ABI2: variants seen among roughly 807,000 people sequenced by gnomAD.
The protein encoded by ABI2 is abl interactor 2.
A neutral mutation model predicts 59.2 loss-of-function variants in ABI2; 25 were observed. The observed-to-expected ratio is 0.42, with a 90% CI of 0.31 to 0.59. The LOEUF (loss-of-function observed/expected upper bound fraction) is 0.59. Among genes scored for constraint, ABI2 ranks in the 20% least tolerant of loss-of-function variants. The pLI is 0.14. For synonymous variants in ABI2, 213 were observed against 235.5 expected (o/e 0.90, Z 0.87); for missense variants, 545 against 681.8 (o/e 0.80, Z 2.23).
At chr2:203,390,976 G>C in intron 4 of ABI2, 70 bp from the exon 5 acceptor site, 1 of 1,159,688 alleles carries the variant, frequency 8.6e-7, no homozygotes, top group Non-Finnish European at 1.3e-6. Flanking sequence ...ATGTAGTGTA[G>C]CATATTATTT....
At chr2:203,376,226 A>C (rs2095668244) in intron 2 of ABI2, 2 of 925,962 alleles carry the variant, frequency 2.2e-6, no homozygotes, top group Non-Finnish European at 3.2e-6. Context: ...AATGTTAGAC[A>C]TTTTTGGTTG....
At chr2:203,336,464 A>G (rs1456841237) in intron 1 of ABI2, among the ~76,000 whole-genome samples, 1 of 152,160 alleles carries the variant, frequency 6.6e-6, no homozygotes, top group Non-Finnish European at 1.5e-5. Context: ...CGAGGACCTT[A>G]TGTGAAGCCC....
intron 5 of ABI2, among the ~76,000 whole-genome samples, chr2:203,392,685 A>G (rs897203316): frequency 9.2e-5 from 14 of 152,080 alleles, no homozygotes; most frequent in Non-Finnish European, 2.9e-5. Flanking sequence ...TTACATTTAT[A>G]TCATGTGTAG....
chr2:203,367,920 T>G (rs1300905344), intron 2 of ABI2, among the ~76,000 whole-genome samples: 3 of 151,894 alleles, frequency 2.0e-5, no homozygotes, highest in Non-Finnish European at 4.4e-5. Flanking sequence ...GGGAGGATCA[T>G]CTGAGCATGC....
intron 1 of ABI2, chr2:203,355,328 A>C (rs1225082071): frequency 1.0e-5 from 2 of 191,332 alleles, no homozygotes; most frequent in African/African-American, 4.7e-5. Context: ...CAACATGGTG[A>C]GTTGTTTCTA....
intron 1 of ABI2, among the ~76,000 whole-genome samples, chr2:203,360,874 T>C (rs565978064): frequency 9.8e-5 from 15 of 152,346 alleles, no homozygotes; most frequent in South Asian, 4.1e-4. Context: ...TTGACTCTTA[T>C]GCTGTTGCTA....
At chr2:203,424,479 C>T (rs2098353452) in intron 11 of ABI2, among the ~76,000 whole-genome samples, 1 of 152,178 alleles carries the variant, frequency 6.6e-6, no homozygotes, top group Non-Finnish European at 1.5e-5. Flanking sequence ...ACTGCAGCCT[C>T]AACTTTCTGG....
intron 2 of ABI2, chr2:203,374,711 G>A (rs953432235): frequency 5.2e-6 from 2 of 387,506 alleles, no homozygotes; most frequent in South Asian, 1.9e-5. Context: ...AAGCATAATT[G>A]TAATTTAAAT....
intron 4 of ABI2, chr2:203,383,269 A>G (rs1420381406): frequency 1.9e-5 from 3 of 154,820 alleles, no homozygotes; most frequent in Non-Finnish European, 4.4e-5. Flanking sequence ...GAGCCCAGGC[A>G]TATGGACACC....
chr2:203,381,391 G>C (rs1578183201), intron 3 of ABI2, among the ~76,000 whole-genome samples: 1 of 152,028 alleles, frequency 6.6e-6, no homozygotes, highest in East Asian at 1.9e-4. Flanking sequence ...ATCTTCCCTT[G>C]TCAGCTTCCC....
intron 2 of ABI2, among the ~76,000 whole-genome samples, chr2:203,368,639 A>T (rs2094740681): frequency 6.6e-6 from 1 of 152,136 alleles, no homozygotes; most frequent in Admixed American, 6.6e-5. Context: ...ATTTGCCATT[A>T]TAAGGGTTTC....
chr2:203,357,444 A>T (rs143240543), intron 1 of ABI2, among the ~76,000 whole-genome samples: 17 of 152,330 alleles, frequency 1.1e-4, no homozygotes, highest in Admixed American at 5.2e-4. Flanking sequence ...AATGTAGCAA[A>T]TACCTAGGTG....
chr2:203,374,992 A>C (rs1443726859), intron 2 of ABI2: 1 of 338,886 alleles, frequency 3.0e-6, no homozygotes, highest in Non-Finnish European at 6.5e-6. Flanking sequence ...TGGGTTCATG[A>C]GGGAGATGTG....
At chr2:203,417,163 T>C in intron 11 of ABI2, 82 bp downstream of exon 11, 12 of 1,226,658 alleles carry the variant, frequency 9.8e-6, no homozygotes, top group Admixed American at 2.6e-5. Context: ...GAGAATCTTA[T>C]TTTCTACTAA....
At chr2:203,336,374 C>T (rs1350239355) in intron 1 of ABI2, among the ~76,000 whole-genome samples, 1 of 152,176 alleles carries the variant, frequency 6.6e-6, no homozygotes, top group African/African-American at 2.4e-5. Flanking sequence ...GCTGCATAGG[C>T]CAGTGCTTGA....
chr2:203,380,388 G>A lies in ABI2; in HGVS notation c.462+4G>A. On this transcript the variant is annotated splice_donor_region_variant and intron_variant, in intron 3 of 11. Coordinates refer to ENST00000261018, the MANE Select transcript of ABI2 (RefSeq NM_001375670.1). ...TGATATTGGACATGGAGTAAAGGTA[G>A]GTATAATTTTTTTCAAGCTTTTAAA... 1 of 1,492,494 alleles carries A rather than the reference G, an allele frequency of 6.7e-7. No individual in the cohort carries two copies. Among genetic ancestry groups the A allele is most frequent in the Non-Finnish European group, 8.9e-7 (1 of 1,120,806 alleles). The allele number at this position is 1,492,494 out of a possible 1,614,324, so 92.5% of individuals were successfully genotyped here. A position where few individuals can be genotyped will look rare whatever the true frequency, so the allele number is the denominator to read the frequency against.
At chr2:203,414,743 G>A (rs774191683) in intron 10 of ABI2, among the ~76,000 whole-genome samples, 10 of 152,136 alleles carry the variant, frequency 6.6e-5, no homozygotes, top group Non-Finnish European at 1.5e-4. Context: ...CCATAATAGT[G>A]TAGCTTTTAA....
At chr2:203,349,415 CTTTT>C (rs528982258) in intron 1 of ABI2, among the ~76,000 whole-genome samples, 5 of 151,518 alleles carry the variant, frequency 3.3e-5, no homozygotes, top group Admixed American at 2.0e-4. Context: ...ATCCTTTCTT[CTTTT>C]TTGAGGCGGA....
chr2:203,394,774 C>T lies in ABI2; in HGVS notation c.653C>T (p.Thr218Ile). The change falls in exon 6 of 12, where the codon ACC becomes ATC. Residue 218 changes from threonine (T) to isoleucine (I), a missense_variant. Thr to Ile is a moderately conservative substitution (Grantham distance 89). Coordinates refer to ENST00000261018, the MANE Select transcript of ABI2 (RefSeq NM_001375670.1). Reference sequence around the variant, plus strand: ...CCAAATGATTACGTACCTAGCCCAACCCGTAATATGGCTCCCTCGCAGCAG... The same window carrying T: ...CCAAATGATTACGTACCTAGCCCAATCCGTAATATGGCTCCCTCGCAGCAG... ...VVPNDYVPSP[T>I]RNMAPSQQSP... 6.2e-7 allele frequency: 1 copy of T among 1,614,124 alleles called. No homozygotes were observed. The highest frequency in any genetic ancestry group is 8.5e-7 in the Non-Finnish European group (1 of 1,180,012).
Sources: gnomAD v4.1 joint callset for allele counts (sites outside exome capture counted in the v4.1 genomes callset) on GRCh38, gnomAD v4.1.1 for gene constraint, MANE v1.5 for transcripts, NCBI Gene and HGNC (gene_info 2026-07-23, HGNC 2026-07-21) for gene names.